The following FGF13 variants were observed in gnomAD, a reference collection of about 807,000 sequenced individuals.
FGF13 encodes fibroblast growth factor homologous factor 2.
In FGF13, 2 loss-of-function variants were observed where a neutral mutation model predicts 19.5. That is an observed-to-expected ratio of 0.10 (90% confidence interval 0.04 to 0.32). The LOEUF is 0.32. Ranked by LOEUF, FGF13 falls within the 10% of genes least tolerant of loss-of-function variation. The probability of loss-of-function intolerance (pLI) is 1.00; values close to 1 mark genes in which losing one functional copy is unlikely to be tolerated. For synonymous variants in FGF13, 72 were observed against 76.9 expected (o/e 0.94, Z 0.33); for missense variants, 113 against 192.7 (o/e 0.59, Z 2.45).
chrX:139,014,997 G>T (rs472273), intron 1 of FGF13, among the ~76,000 whole-genome samples: 1 of 110,182 alleles, frequency 9.1e-6, no homozygotes, highest in Non-Finnish European at 1.9e-5. Context: ...GCAGAAAAAG[G>T]ATTTGATAAA....
chrX:138,741,650 A>G (rs2090318971), upstream of FGF13, among the ~76,000 whole-genome samples: 1 of 111,301 alleles, frequency 9.0e-6, no homozygotes, highest in Non-Finnish European at 1.9e-5. Context: ...GAAGAAAGCA[A>G]TCTGATTAAG....
At chrX:139,043,632 T>C (rs1180453118) in intron 1 of FGF13, among the ~76,000 whole-genome samples, 1 of 111,180 alleles carries the variant, frequency 9.0e-6, no homozygotes, top group Non-Finnish European at 1.9e-5. Context: ...CCAAAATAAT[T>C]GAGAGTAGGT....
intron 1 of FGF13, among the ~76,000 whole-genome samples, chrX:138,967,550 G>A (rs1376267501): frequency 1.8e-5 from 2 of 111,121 alleles, no homozygotes; most frequent in African/African-American, 6.5e-5. Context: ...GCAAAGAAAG[G>A]CAGTGGATAA....
In FGF13 at chrX:138,988,476, G is replaced by A. The variant is rs768871583; in HGVS notation, c.-112-123826C>T. Among the ~76,000 whole-genome samples, 5 of 112,344 alleles carry A rather than the reference G, an allele frequency of 4.5e-5. No homozygotes were observed. The East Asian group carries it at 8.4e-4, about 19-fold the overall frequency. On this transcript the variant is annotated intron_variant, in intron 1 of 2. Coordinates refer to the FGF13 transcript ENST00000421460. Reference sequence around the variant, plus strand: ...TCTCTAAATCATGTTCTATAAAAATGTAGGAAAGCCCACAGATTGAAAATT... The same window carrying A: ...TCTCTAAATCATGTTCTATAAAAATATAGGAAAGCCCACAGATTGAAAATT...
intron 1 of FGF13, among the ~76,000 whole-genome samples, chrX:139,190,954 A>T (rs2084324316): frequency 8.9e-6 from 1 of 111,828 alleles, no homozygotes; most frequent in Non-Finnish European, 1.9e-5. Context: ...TACACTAAAG[A>T]TGATGCTATT....
chrX:139,094,750 G>A lies in FGF13; in HGVS notation c.-113+108666C>T, dbSNP rs775714485. ...CAAATAAAGTTTCCCAGCCTGGGACGTTCCATCAAAAGTCCTGAGTCTTGA... is the reference window on the plus strand; with the variant it reads ...CAAATAAAGTTTCCCAGCCTGGGACATTCCATCAAAAGTCCTGAGTCTTGA... On this transcript the variant is annotated intron_variant, in intron 1 of 2. Coordinates refer to the FGF13 transcript ENST00000421460. 1.2e-4 allele frequency among the ~76,000 whole-genome samples: 14 copies of A among 112,389 alleles called. No homozygotes were observed. The South Asian group carries it at 3.7e-3, about 30-fold the overall frequency.
At chrX:138,862,139 A>G (rs913975873) in intron 2 of FGF13, among the ~76,000 whole-genome samples, 5 of 112,351 alleles carry the variant, frequency 4.5e-5, no homozygotes, top group African/African-American at 1.6e-4. Context: ...TTATTCAAAG[A>G]CAGAAAAGCA....
intron 1 of FGF13, among the ~76,000 whole-genome samples, chrX:139,068,805 A>G (rs1190391696): frequency 9.0e-6 from 1 of 111,544 alleles, no homozygotes; most frequent in Non-Finnish European, 1.9e-5. Context: ...GTTGGTGTAT[A>G]AGAATGCTTG....
At chrX:139,150,875 C>G (rs1266489931) in intron 1 of FGF13, among the ~76,000 whole-genome samples, 1 of 111,439 alleles carries the variant, frequency 9.0e-6, no homozygotes, top group African/African-American at 3.3e-5. Flanking sequence ...TGCTAGTAGC[C>G]TAGGCCACTT....
intron 1 of FGF13, among the ~76,000 whole-genome samples, chrX:138,953,058 C>T (rs970559633): frequency 9.0e-6 from 1 of 111,721 alleles, no homozygotes; most frequent in African/African-American, 3.3e-5. Flanking sequence ...TACCATTTGA[C>T]TCAGCAATCC....
At chrX:139,013,315 C>T (rs903799351) in intron 1 of FGF13, among the ~76,000 whole-genome samples, 3 of 107,707 alleles carry the variant, frequency 2.8e-5, no homozygotes, top group African/African-American at 1.0e-4. Context: ...GTAGATCTAC[C>T]ATTTGATCCA....
At chrX:138,864,357 C>T (rs1268751020) in intron 2 of FGF13, among the ~76,000 whole-genome samples, 2 of 112,589 alleles carry the variant, frequency 1.8e-5, no homozygotes, top group Non-Finnish European at 3.8e-5. Context: ...AAAAGAAAGC[C>T]TCTGACTGGC....
chrX:139,127,038 T>A (rs935852798), intron 1 of FGF13, among the ~76,000 whole-genome samples: 6 of 111,568 alleles, frequency 5.4e-5, no homozygotes, highest in African/African-American at 2.0e-4. Flanking sequence ...TTTCACTTGA[T>A]CATTTTCTTC....
At chrX:139,004,341 C>T (rs1355056220) in intron 1 of FGF13, among the ~76,000 whole-genome samples, 5 of 112,932 alleles carry the variant, frequency 4.4e-5, no homozygotes, top group African/African-American at 9.6e-5. Context: ...GCCAAGCCCA[C>T]GCCCACCCGG....
chrX:138,989,376 A>T (rs2092005941), intron 1 of FGF13, among the ~76,000 whole-genome samples: 1 of 111,847 alleles, frequency 8.9e-6, no homozygotes, highest in African/African-American at 3.2e-5. Context: ...GGTGAGGCCC[A>T]TCTTGAAACA....
chrX:138,674,895 A>G (rs2089649832), intron 3 of FGF13, among the ~76,000 whole-genome samples: 1 of 111,499 alleles, frequency 9.0e-6, no homozygotes, highest in Non-Finnish European at 1.9e-5. Context: ...AGCAAGAGTA[A>G]TGCTGGAGGG....
rs1322236092 is a variant in FGF13, at chrX:138,921,286, C to G, written c.-112-56636G>C. 4.5e-5 allele frequency among the ~76,000 whole-genome samples: 5 copies of G among 111,965 alleles called. No homozygotes were observed. The East Asian group carries it at 1.4e-3, about 32-fold the overall frequency. Reference sequence around the variant, plus strand: ...CGAATTGGGTTAGAACATTCATGCACTCATCACTACCACCATGCAGAAGTT... The same window carrying G: ...CGAATTGGGTTAGAACATTCATGCAGTCATCACTACCACCATGCAGAAGTT... On this transcript the variant is annotated intron_variant, in intron 1 of 2. Coordinates refer to the FGF13 transcript ENST00000421460.
intron 2 of FGF13, among the ~76,000 whole-genome samples, chrX:138,705,000 G>A (rs1262661851): frequency 1.8e-5 from 2 of 111,883 alleles, no homozygotes; most frequent in Non-Finnish European, 3.8e-5. Flanking sequence ...ATGATACTAT[G>A]TTTTTGAAAA....
chrX:138,772,048 A>G (rs1242554594), intron 3 of FGF13, among the ~76,000 whole-genome samples: 3 of 90,946 alleles, frequency 3.3e-5, no homozygotes, highest in East Asian at 3.3e-4. Context: ...ATATATATAT[A>G]TATATATATA....
Sources: allele counts gnomAD v4.1 joint callset (sites outside exome capture counted in the v4.1 genomes callset), GRCh38; gene constraint gnomAD v4.1.1; transcripts MANE v1.5; gene names NCBI Gene and HGNC (gene_info 2026-07-23, HGNC 2026-07-21).